Variants in BAD observed in about 807,000 individuals in gnomAD.
BAD encodes the protein BCL2 associated agonist of cell death.
BAD carries 18 observed loss-of-function variants against 17.8 expected under a neutral mutation model. The ratio of observed to expected loss-of-function variants is 1.01; its 90% CI spans 0.70 to 1.50. BAD has a LOEUF of 1.50. Ranked by LOEUF, BAD falls within the 40% of genes most tolerant of loss-of-function variation. The pLI is 0.00. For missense variants in BAD, 294 were observed against 239.3 expected, an observed-to-expected ratio of 1.23 and a Z score of -1.51; for synonymous variants, 112 against 91.5, an observed-to-expected ratio of 1.22 and a Z score of -1.28.
In BAD at chr11:64,270,041, T is replaced by C. The variant is rs186286987; in HGVS notation, c.*168A>G. 1.7e-4 allele frequency: 213 copies of C among 1,285,144 alleles called. No homozygotes were observed. The African/African-American group carries it at 2.8e-3, about 17-fold the overall frequency. 79.6% of individuals were successfully genotyped at this position (1,285,144 alleles called of 1,614,324 possible). The stretch of plus-strand genomic sequence containing the variant: ...CCAAAACTTCCGATGGGACCAAGCC[T>C]TCCGTGGCTTCACACGCACCGGAAG... On this transcript the variant is annotated 3_prime_UTR_variant, in exon 4 of 4. Coordinates refer to ENST00000309032, the MANE Select transcript of BAD (RefSeq NM_032989.3).
chr11:64,270,930 CACG>C (rs2032477951), intron 3 of BAD, among the ~76,000 whole-genome samples: 1 of 104,822 alleles, frequency 9.5e-6, no homozygotes, highest in Admixed American at 9.9e-5. Flanking sequence ...CACACACACA[CACG>C]CCTGGAGTGG....
intron 2 of BAD, among the ~76,000 whole-genome samples, chr11:64,278,702 C>T (rs1404887301): frequency 6.6e-6 from 1 of 152,226 alleles, no homozygotes; most frequent in Non-Finnish European, 1.5e-5. Context: ...CCACTGTCCA[C>T]ACCTGTTTCA....
intron 2 of BAD, among the ~76,000 whole-genome samples, chr11:64,276,601 A>T (rs971162561): frequency 2.6e-5 from 4 of 152,252 alleles, no homozygotes; most frequent in African/African-American, 9.6e-5. Flanking sequence ...TGCTGGGATT[A>T]CAGGCGTGAG....
At chr11:64,278,949 A>C (rs2033246745) in intron 2 of BAD, among the ~76,000 whole-genome samples, 1 of 152,194 alleles carries the variant, frequency 6.6e-6, no homozygotes, top group Non-Finnish European at 1.5e-5. Context: ...AAACTAAATC[A>C]AAAGGTTAAG....
At chr11:64,273,855 C>CTAAAA (rs2032828783) in intron 2 of BAD, among the ~76,000 whole-genome samples, 1 of 54,820 alleles carries the variant, frequency 1.8e-5, no homozygotes, top group Non-Finnish European at 3.1e-5. Context: ...GCACCCATCT[C>CTAAAA]AAAAAAAAAA....
chr11:64,270,150 T>C lies in BAD; in HGVS notation c.*59A>G, dbSNP rs2032398816. The C allele has an allele frequency of 1.2e-6, 2 of 1,612,856 alleles. No homozygotes were observed. Among genetic ancestry groups the C allele is most frequent in the African/African-American group, 1.3e-5 (1 of 74,930 alleles). On this transcript the variant is annotated 3_prime_UTR_variant, in exon 4 of 4. Transcript: ENST00000309032. Reference sequence around the variant, plus strand: ...CCTGAGGGAAGTACTTCCGCCCATATTCAAGATGGCTGCCCAGGGCAGTGG... The same window carrying C: ...CCTGAGGGAAGTACTTCCGCCCATACTCAAGATGGCTGCCCAGGGCAGTGG...
chr11:64,277,005 A>G (rs1203189221), intron 2 of BAD: 1 of 720,606 alleles, frequency 1.4e-6, no homozygotes, highest in Admixed American at 2.0e-5. Context: ...GGATTTTCAG[A>G]GTCCTCAGAT....
At chr11:64,275,386 A>T (rs988861785) in intron 2 of BAD, among the ~76,000 whole-genome samples, 18 of 152,190 alleles carry the variant, frequency 1.2e-4, no homozygotes, top group Admixed American at 2.6e-4. Context: ...TAGGTGGGCC[A>T]GGCCCTGGCC....
At chr11:64,281,876 A>G (rs1296082846) in intron 2 of BAD, among the ~76,000 whole-genome samples, 2 of 152,200 alleles carry the variant, frequency 1.3e-5, no homozygotes, top group African/African-American at 2.4e-5. Flanking sequence ...GCGCGCCACC[A>G]TGCCCAGCTA....
intron 2 of BAD, among the ~76,000 whole-genome samples, chr11:64,281,584 C>T (rs767849109): frequency 6.6e-6 from 1 of 152,220 alleles, no homozygotes; most frequent in Non-Finnish European, 1.5e-5. Context: ...GCCCTCGAGG[C>T]CTTACCATCT....
At chr11:64,271,502 G>A in intron 3 of BAD, 111 bp downstream of exon 3, 1 of 1,151,408 alleles carries the variant, frequency 8.7e-7, no homozygotes, top group Non-Finnish European at 1.1e-6. Context: ...ACGGCTTTGG[G>A]GAGGGGTCGT....
intron 2 of BAD, among the ~76,000 whole-genome samples, chr11:64,279,057 T>C (rs2033255095): frequency 6.6e-6 from 1 of 152,186 alleles, no homozygotes; most frequent in South Asian, 2.1e-4. Flanking sequence ...GTCCCTGGCC[T>C]GTGCAGAATG....
Position 64,270,042 on chromosome 11 carries a change from T to A in BAD, c.*167A>T. Reference sequence around the variant, plus strand: ...CAAAACTTCCGATGGGACCAAGCCTTCCGTGGCTTCACACGCACCGGAAGG... The same window carrying A: ...CAAAACTTCCGATGGGACCAAGCCTACCGTGGCTTCACACGCACCGGAAGG... On this transcript the variant is annotated 3_prime_UTR_variant, in exon 4 of 4. Coordinates refer to ENST00000309032, the MANE Select transcript of BAD (RefSeq NM_032989.3). The A allele has an allele frequency of 1.6e-6, 2 of 1,290,006 alleles. No homozygotes were observed. The highest frequency in any genetic ancestry group is 2.5e-5 in the East Asian group (1 of 39,494). 79.9% of individuals were successfully genotyped at this position (1,290,006 alleles called of 1,614,324 possible). A position where few individuals can be genotyped will look rare whatever the true frequency, so the allele number is the denominator to read the frequency against.
At chr11:64,276,317 T>TAC (rs1272869195) in intron 2 of BAD, 1 of 151,998 alleles carries the variant, frequency 6.6e-6, no homozygotes, top group Admixed American at 6.6e-5. Context: ...TGTGTGTGTA[T>TAC]ATATATATAT....
chr11:64,271,594 G>A lies in BAD; in HGVS notation c.378+19C>T. On this transcript the variant is annotated intron_variant, in intron 3 of 3. Transcript: ENST00000309032. ...GGCCTGGTACTTCAGGTCCTGGCAC[G>A]CTGGGGACTGGCGCTCACCTTAAAG... is the stretch of plus-strand genomic sequence containing the variant. 2 of 1,411,720 alleles carry A rather than the reference G, an allele frequency of 1.4e-6. No homozygotes were observed. Among genetic ancestry groups the A allele is most frequent in the East Asian group, 2.9e-5 (1 of 34,390 alleles). 87.4% of individuals were successfully genotyped at this position (1,411,720 alleles called of 1,614,324 possible).
At position 64,269,923 on chromosome 11, in the gene BAD, C is replaced by T. The variant is rs764499854; in HGVS notation, c.*286G>A. The T allele has an allele frequency of 2.4e-5, 17 of 707,976 alleles. 1 individual carries two copies. The highest frequency in any genetic ancestry group is 1.9e-4 in the South Asian group (13 of 66,936). 43.9% of individuals were successfully genotyped at this position (707,976 alleles called of 1,614,324 possible). The stretch of plus-strand genomic sequence containing the variant: ...GGGTCCCGGTGACGCAACGGTTAAA[C>T]CTGGCTCGCGACTTAGCGCAGGCGC... On this transcript the variant is annotated 3_prime_UTR_variant, in exon 4 of 4. Transcript: ENST00000309032.
intron 2 of BAD, among the ~76,000 whole-genome samples, chr11:64,277,980 A>C (rs1330394475): frequency 6.6e-6 from 1 of 152,066 alleles, no homozygotes; most frequent in Non-Finnish European, 1.5e-5. Flanking sequence ...AGTTCTTTGG[A>C]TTTTTGTCCA....
chr11:64,272,218 C>T (rs1425356199), intron 2 of BAD, among the ~76,000 whole-genome samples: 2 of 151,922 alleles, frequency 1.3e-5, no homozygotes, highest in African/African-American at 4.8e-5. Flanking sequence ...ACTCGGGAGG[C>T]TGAGGCAGAA....
Position 64,271,751 on chromosome 11 carries a change from CG to C in BAD, c.239del (p.Thr80ArgfsTer38). 6.9e-7 allele frequency: 1 copy of C among 1,450,958 alleles called. No individual in the cohort carries two copies. The highest frequency in any genetic ancestry group is 9.1e-7 in the Non-Finnish European group (1 of 1,102,298). 89.9% of individuals were successfully genotyped at this position (1,450,958 alleles called of 1,614,324 possible). A position where few individuals can be genotyped will look rare whatever the true frequency, so the allele number is the denominator to read the frequency against. ...CCTCCCCCATCCCTTCGTCGTCCTC[CG>C]TCCCCGCGGGGTAGGAGCTGTGGCG... ...RSRHSSYPAG[T>X]EDDEGMGEEP... On this transcript the variant is annotated frameshift_variant, in exon 3 of 4. Transcript: ENST00000309032. LOFTEE classifies it high-confidence loss of function.
Sources: allele counts gnomAD v4.1 joint callset (sites outside exome capture counted in the v4.1 genomes callset), GRCh38; gene constraint gnomAD v4.1.1; transcripts MANE v1.5; gene names NCBI Gene and HGNC (gene_info 2026-07-23, HGNC 2026-07-21).